Variants in MED9 observed in about 807,000 individuals in gnomAD.
MED9 encodes the protein mediator of RNA polymerase II transcription subunit 9.
A neutral mutation model predicts 13.2 loss-of-function variants in MED9; 8 were observed. That is an observed-to-expected ratio of 0.61 (90% CI 0.36 to 1.10). The LOEUF is 1.10. Among genes scored for constraint, MED9 ranks in the 50% least tolerant of loss-of-function variants. The pLI is 0.02. For synonymous variants in MED9, 87 were observed against 82.8 expected (o/e 1.05, Z -0.28); for missense variants, 180 against 193.4 (o/e 0.93, Z 0.41).
chr17:17,490,074 T>G (rs1294376404), intron 1 of MED9, among the ~76,000 whole-genome samples: 1 of 152,276 alleles, frequency 6.6e-6, no homozygotes, highest in African/African-American at 2.4e-5. Context: ...AACAGCTTAC[T>G]GAATTGCCTT....
intron 1 of MED9, chr17:17,485,177 G>T (rs1905104898): frequency 2.8e-6 from 1 of 352,362 alleles, no homozygotes; most frequent in East Asian, 4.0e-5. Context: ...CCATGCCTTT[G>T]TAAAAAACAA....
In MED9 at chr17:17,477,969, A is replaced by G. The variant is rs548708536; in HGVS notation, c.224+704A>G. Reference sequence around the variant, plus strand: ...AGGAAAAACCAAAAACAAAAACACAAAAGTCTCACTGATCCTTATGTTTGC... The same window carrying G: ...AGGAAAAACCAAAAACAAAAACACAGAAGTCTCACTGATCCTTATGTTTGC... On this transcript the variant is annotated intron_variant, in intron 1 of 1. Coordinates refer to ENST00000268711, the MANE Select transcript of MED9 (RefSeq NM_018019.3). 7.3e-4 allele frequency among the ~76,000 whole-genome samples: 111 copies of G among 152,336 alleles called. 1 individual carries two copies. Among genetic ancestry groups the G allele is most frequent in the Middle Eastern group, 3.4e-3 (1 of 294 alleles).
intron 1 of MED9, among the ~76,000 whole-genome samples, chr17:17,484,444 C>G (rs1905089005): frequency 6.6e-6 from 1 of 152,222 alleles, no homozygotes; most frequent in Admixed American, 6.5e-5. Flanking sequence ...TTTGTGGGAA[C>G]AGGGTGTTAT....
chr17:17,480,899 G>T (rs1433809808), intron 1 of MED9, among the ~76,000 whole-genome samples: 1 of 152,204 alleles, frequency 6.6e-6, no homozygotes, highest in Non-Finnish European at 1.5e-5. Context: ...ACCTCGTGAA[G>T]CCTGGGGGAG....
At chr17:17,480,201 T>C (rs1905008213) in intron 1 of MED9, among the ~76,000 whole-genome samples, 1 of 151,968 alleles carries the variant, frequency 6.6e-6, no homozygotes, top group Non-Finnish European at 1.5e-5. Flanking sequence ...GGGGGAGCCA[T>C]ACTGAAAAGA....
At chr17:17,484,305 G>C (rs141014769) in intron 1 of MED9, among the ~76,000 whole-genome samples, 23 of 152,360 alleles carry the variant, frequency 1.5e-4, no homozygotes, top group African/African-American at 5.1e-4. Flanking sequence ...AGGCTGCTAG[G>C]TAGGTAGAGG....
At chr17:17,481,718 G>T (rs1238151913) in intron 1 of MED9, among the ~76,000 whole-genome samples, 1 of 152,176 alleles carries the variant, frequency 6.6e-6, no homozygotes, top group African/African-American at 2.4e-5. Flanking sequence ...TGGTCTTCTA[G>T]CTGTTTTTCT....
intron 1 of MED9, among the ~76,000 whole-genome samples, chr17:17,481,775 A>G (rs941838114): frequency 1.3e-4 from 20 of 152,214 alleles, no homozygotes; most frequent in Admixed American, 1.2e-3. Context: ...ATCTTTGTGT[A>G]GGAGTAAGTT....
At position 17,491,648 on chromosome 17, in the gene MED9, C is replaced by G; in HGVS notation, c.*153C>G. 1 of 743,926 alleles carries G rather than the reference C, an allele frequency of 1.3e-6. No homozygotes were observed. Among genetic ancestry groups the G allele is most frequent in the Non-Finnish European group, 2.2e-6 (1 of 457,284 alleles). 46.1% of individuals were successfully genotyped at this position (743,926 alleles called of 1,614,324 possible). A position where few individuals can be genotyped will look rare whatever the true frequency, so the allele number is the denominator to read the frequency against. On this transcript the variant is annotated 3_prime_UTR_variant, in exon 2 of 2. Coordinates refer to ENST00000268711, the MANE Select transcript of MED9 (RefSeq NM_018019.3). ...CTCCTGTGCTGCTGCGCGCGCTTCGCCTGTGCGGGAGCCAGCGCAGAGCTT... is the reference window on the plus strand; with the variant it reads ...CTCCTGTGCTGCTGCGCGCGCTTCGGCTGTGCGGGAGCCAGCGCAGAGCTT...
chr17:17,490,934 T>C (rs888406040), intron 1 of MED9, among the ~76,000 whole-genome samples: 1 of 152,168 alleles, frequency 6.6e-6, no homozygotes, highest in Non-Finnish European at 1.5e-5. Context: ...CACGGACATT[T>C]CTTGAGTGCC....
chr17:17,479,231 A>C (rs1904984215), intron 1 of MED9, among the ~76,000 whole-genome samples: 1 of 152,168 alleles, frequency 6.6e-6, no homozygotes, highest in African/African-American at 2.4e-5. Flanking sequence ...TTGCCTTCTA[A>C]TCTTGATATA....
At chr17:17,486,913 C>T (rs1183677509) in intron 1 of MED9, 1 of 151,010 alleles carries the variant, frequency 6.6e-6, no homozygotes, top group Non-Finnish European at 1.5e-5. Context: ...TGTGAGTGCA[C>T]CAATCTACAC....
At chr17:17,488,528 C>G (rs886390201) in intron 1 of MED9, among the ~76,000 whole-genome samples, 5 of 152,124 alleles carry the variant, frequency 3.3e-5, no homozygotes, top group African/African-American at 1.2e-4. Flanking sequence ...TTTTTGTCCA[C>G]TCTTTAAAAA....
chr17:17,485,585 G>A (rs555350010), intron 1 of MED9: 69 of 362,644 alleles, frequency 1.9e-4, no homozygotes, highest in African/African-American at 1.3e-3. Context: ...GGGTCCTAGC[G>A]TGGCCAGTAG....
At chr17:17,491,119 C>T (rs1395282644) in intron 1 of MED9, among the ~76,000 whole-genome samples, 160 bp from the exon 2 acceptor site, 1 of 152,202 alleles carries the variant, frequency 6.6e-6, no homozygotes, top group Non-Finnish European at 1.5e-5. Context: ...GAACCCGTCC[C>T]TGCCCTCTGG....
chr17:17,485,105 C>T (rs1000795558), intron 1 of MED9: 55 of 313,886 alleles, frequency 1.8e-4, no homozygotes, highest in African/African-American at 1.0e-3. Context: ...CCCAGGTTCA[C>T]TTGAATCACT....
Position 17,483,911 on chromosome 17 carries a change from T to TG in MED9, c.224+6648dup, listed in dbSNP as rs1206456993. ...ACGATCGCACCATTGCACTCCAGCCTGGCGACAGAGCGAGACTCCATCTCA... is the reference window on the plus strand; with the variant it reads ...ACGATCGCACCATTGCACTCCAGCCTGGGCGACAGAGCGAGACTCCATCTCA... On this transcript the variant is annotated intron_variant, in intron 1 of 1. Coordinates refer to ENST00000268711, the MANE Select transcript of MED9 (RefSeq NM_018019.3). This position sits in a 1 kb window ranked among gnomAD's most constrained non-coding sequence, Gnocchi z 4.2. Among the ~76,000 whole-genome samples the TG allele has an allele frequency of 1.4e-5, 2 of 144,642 alleles. No homozygotes were observed. Among genetic ancestry groups the TG allele is most frequent in the Non-Finnish European group, 3.0e-5 (2 of 66,698 alleles). 94.9% of individuals were successfully genotyped at this position (144,642 alleles called of 152,430 possible). A position where few individuals can be genotyped will look rare whatever the true frequency, so the allele number is the denominator to read the frequency against.
At chr17:17,481,631 A>G (rs1411193961) in intron 1 of MED9, among the ~76,000 whole-genome samples, 1 of 152,226 alleles carries the variant, frequency 6.6e-6, no homozygotes, top group Non-Finnish European at 1.5e-5. Flanking sequence ...GCACATAAAG[A>G]TCTACCTCAT....
chr17:17,479,892 A>G (rs1202189223), intron 1 of MED9, among the ~76,000 whole-genome samples: 1 of 152,182 alleles, frequency 6.6e-6, no homozygotes, highest in Non-Finnish European at 1.5e-5. Flanking sequence ...ACCAACTCCT[A>G]AGCACCTGGT....
Sources: allele counts gnomAD v4.1 joint callset (sites outside exome capture counted in the v4.1 genomes callset), GRCh38; gene constraint gnomAD v4.1.1; non-coding constraint Gnocchi (gnomAD v3.1); transcripts MANE v1.5; gene names NCBI Gene and HGNC (gene_info 2026-07-23, HGNC 2026-07-21).